Variants in ATP8B3 observed in about 807,000 individuals in gnomAD.
The protein encoded by ATP8B3 is phospholipid-transporting ATPase IK.
In ATP8B3, 141 loss-of-function variants were observed where a neutral mutation model predicts 140.9. That is an observed-to-expected ratio of 1.00 (90% CI 0.87 to 1.15). The LOEUF (loss-of-function observed/expected upper bound fraction) is 1.15, where lower values mean the gene tolerates loss of function less well. Ranked by LOEUF, ATP8B3 falls within the 50% of genes most tolerant of loss-of-function variation. The pLI, the probability that ATP8B3 is intolerant of heterozygous loss-of-function variation, is 0.00. For synonymous variants in ATP8B3, 765 were observed against 714.6 expected (o/e 1.07, Z -1.13); for missense variants, 1,874 against 1,740.6 (o/e 1.08, Z -1.36).
chr19:1,791,726 C>T, intron 20 of ATP8B3, 24 bp downstream of exon 20: 6 of 1,576,022 alleles, frequency 3.8e-6, no homozygotes, highest in Non-Finnish European at 5.2e-6. Context: ...GGGGCTTAGC[C>T]ACCCGGAGCT....
In ATP8B3 at chr19:1,799,990, G is replaced by T. The variant is rs749291619; in HGVS notation, c.1509C>A (p.Asn503Lys). The change falls in exon 14 of 29, where the codon AAC (asparagine) becomes AAA (lysine). Residue 503 changes from asparagine to lysine, a missense_variant. Coordinates refer to ENST00000310127, the MANE Select transcript of ATP8B3 (RefSeq NM_138813.4). Reference protein sequence around the residue: ...FSDKTGTLTQNILTFNKCCIS... With the variant: ...FSDKTGTLTQKILTFNKCCIS... ...TGCAGCACTTGTTGAAGGTCAAGATGTTCTGCGTGAGCGTGCCCGTCTTGT... is the reference window on the plus strand; with the variant it reads ...TGCAGCACTTGTTGAAGGTCAAGATTTTCTGCGTGAGCGTGCCCGTCTTGT... The T allele has an allele frequency of 6.2e-7, 1 of 1,606,498 alleles. No individual in the cohort carries two copies. The highest frequency in any genetic ancestry group is 2.2e-5 in the East Asian group (1 of 44,742).
intron 2 of ATP8B3, 53 bp from the exon 3 acceptor site, chr19:1,810,736 C>G: frequency 1.3e-6 from 2 of 1,549,882 alleles, no homozygotes; most frequent in Non-Finnish European, 1.8e-6. Context: ...CCTTGCTGGG[C>G]ACCACTCGGT....
In ATP8B3 at chr19:1,806,061, C is replaced by T. The variant is rs368217980; in HGVS notation, c.750+36G>A. On this transcript the variant is annotated intron_variant, in intron 8 of 28. Coordinates refer to ENST00000310127, the MANE Select transcript of ATP8B3 (RefSeq NM_138813.4). The surrounding 1 kb of genome is among the most constrained non-coding windows in gnomAD (Gnocchi z 5.6). The stretch of plus-strand genomic sequence containing the variant: ...GAGGGGTGCTCTCGGTGAGGGGGCG[C>T]GTGGTTCTGGGACCTCGGGGTCAAC... 28 of 1,602,322 alleles carry T rather than the reference C, an allele frequency of 1.7e-5. 1 individual carries two copies. The East Asian group carries it at 2.0e-4, about 12-fold the overall frequency.
Position 1,805,601 on chromosome 19 carries a change from G to A in ATP8B3, c.822-145C>T. The A allele has an allele frequency of 1.2e-6, 1 of 825,800 alleles. No individual in the cohort carries two copies. Among genetic ancestry groups the A allele is most frequent in the Non-Finnish European group, 2.0e-6 (1 of 505,668 alleles). 51.2% of individuals were successfully genotyped at this position (825,800 alleles called of 1,614,324 possible). On this transcript the variant is annotated intron_variant, in intron 9 of 28. Coordinates refer to ENST00000310127, the MANE Select transcript of ATP8B3 (RefSeq NM_138813.4). The surrounding 1 kb of genome is among the most constrained non-coding windows in gnomAD (Gnocchi z 5.2). ...CAGTCAGATGGCTGAGGCCCAGAGA[G>A]GGAGAAGGCCTTGCCCAAGGCCACA...
intron 14 of ATP8B3, among the ~76,000 whole-genome samples, chr19:1,797,237 A>G (rs933080645): frequency 6.6e-5 from 10 of 151,646 alleles, no homozygotes. Context: ...TCTCCCAGGG[A>G]CCCCAAAAGG....
In ATP8B3 at chr19:1,809,637, G is replaced by A. The variant is rs779042306; in HGVS notation, c.402+6C>T. ...GGAGCAGGGAGGCGCGGGAGGGGCC[G>A]CCCACCTTGTATTTCTTCCTTTGCC... On this transcript the variant is annotated splice_donor_region_variant and intron_variant, in intron 4 of 28. Coordinates refer to ENST00000310127, the MANE Select transcript of ATP8B3 (RefSeq NM_138813.4). The A allele has an allele frequency of 6.9e-6, 11 of 1,599,618 alleles. No individual in the cohort carries two copies. Among genetic ancestry groups the A allele is most frequent in the African/African-American group, 5.4e-5 (4 of 74,718 alleles).
At chr19:1,803,289 C>A (rs2068909589) in intron 10 of ATP8B3, among the ~76,000 whole-genome samples, 1 of 152,168 alleles carries the variant, frequency 6.6e-6, no homozygotes, top group Admixed American at 6.5e-5. Context: ...AGAGGGGCCA[C>A]AGGGTTCCTG....
intron 18 of ATP8B3, among the ~76,000 whole-genome samples, chr19:1,793,246 A>G (rs1320024383): frequency 6.9e-6 from 1 of 145,008 alleles, no homozygotes; most frequent in African/African-American, 2.7e-5. Context: ...ACATGCCATC[A>G]CACCCGGCTA....
chr19:1,801,733 AGAGT>A (rs1453882577), intron 12 of ATP8B3, among the ~76,000 whole-genome samples: 1 of 152,142 alleles, frequency 6.6e-6, no homozygotes, highest in Admixed American at 6.6e-5. Flanking sequence ...GCCTGGTGAC[AGAGT>A]GAGACTCCAT....
At position 1,806,859 on chromosome 19, in the gene ATP8B3, C is replaced by T. The variant is rs919766857; in HGVS notation, c.616-170G>A. ...GATCCCGGACGTGGGGGCCACTGGA[C>T]CCACTGCTATTGGCGGGGAGAAGAC... On this transcript the variant is annotated intron_variant, in intron 6 of 28. Coordinates refer to ENST00000310127, the MANE Select transcript of ATP8B3 (RefSeq NM_138813.4). The surrounding 1 kb of genome is among the most constrained non-coding windows in gnomAD (Gnocchi z 5.6). Among the ~76,000 whole-genome samples, 1 of 152,108 alleles carries T rather than the reference C, an allele frequency of 6.6e-6. No homozygotes were observed. The highest frequency in any genetic ancestry group is 2.4e-5 in the African/African-American group (1 of 41,408).
intron 11 of ATP8B3, 80 bp downstream of exon 11, chr19:1,802,407 A>ACCCCCCCCCCCCCCCCCC: frequency 1.3e-5 from 4 of 318,102 alleles, no homozygotes; most frequent in South Asian, 4.1e-5. Flanking sequence ...CCACCCACCT[A>ACCCCCCCCCCCCCCCCCC]CCCACCCACC....
chr19:1,792,190 C>T, intron 18 of ATP8B3, 55 bp from the exon 19 acceptor site: 1 of 1,491,280 alleles, frequency 6.7e-7, no homozygotes, highest in Non-Finnish European at 8.9e-7. Context: ...ATCCGAGGCT[C>T]AGCCCTCCCC....
Position 1,800,538 on chromosome 19 carries a change from G to A in ATP8B3, c.1153-89C>T, listed in dbSNP as rs1350008432. ...GGGGTAAACACAAAGATAAGGCTGG[G>A]GCTGGGCACAGTGGCTCATGCCTGT... is the stretch of plus-strand genomic sequence containing the variant. On this transcript the variant is annotated intron_variant, in intron 12 of 28. Coordinates refer to ENST00000310127, the MANE Select transcript of ATP8B3 (RefSeq NM_138813.4). This position sits in a 1 kb window ranked among gnomAD's most constrained non-coding sequence, Gnocchi z 4.4. 3 of 1,238,816 alleles carry A rather than the reference G, an allele frequency of 2.4e-6. No homozygotes were observed. The highest frequency in any genetic ancestry group is 3.0e-5 in the African/African-American group (2 of 66,280). The allele number at this position is 1,238,816 out of a possible 1,614,324, so 76.7% of individuals were successfully genotyped here. A position where few individuals can be genotyped will look rare whatever the true frequency, so the allele number is the denominator to read the frequency against.
At position 1,795,998 on chromosome 19, in the gene ATP8B3, A is replaced by G. The variant is rs1293722101; in HGVS notation, c.1943-11T>C. 3 of 1,612,834 alleles carry G rather than the reference A, an allele frequency of 1.9e-6. No homozygotes were observed. The highest frequency in any genetic ancestry group is 2.7e-5 in the African/African-American group (2 of 74,928). ...CCTCTGGCTTTCGAACTGTGGGGGAACAGGCCCTGCTGCCCACAGAGGCTC... is the reference window on the plus strand; with the variant it reads ...CCTCTGGCTTTCGAACTGTGGGGGAGCAGGCCCTGCTGCCCACAGAGGCTC... On this transcript the variant is annotated splice_polypyrimidine_tract_variant and intron_variant, in intron 17 of 28. Transcript: ENST00000310127.
Position 1,788,885 on chromosome 19 carries a change from T to G in ATP8B3, c.3069+12A>C, listed in dbSNP as rs958086451. Reference sequence around the variant, plus strand: ...GGCCCTGGTCATGGGGCAGCCAGGGTGGGGGACGCACCTGGCCGGTGAAGC... The same window carrying G: ...GGCCCTGGTCATGGGGCAGCCAGGGGGGGGGACGCACCTGGCCGGTGAAGC... On this transcript the variant is annotated intron_variant, in intron 24 of 28. Transcript: ENST00000310127. 1 of 1,571,300 alleles carries G rather than the reference T, an allele frequency of 6.4e-7. No homozygotes were observed. The highest frequency in any genetic ancestry group is 8.6e-7 in the Non-Finnish European group (1 of 1,159,758).
At chr19:1,787,072 T>G (rs751991824) in intron 25 of ATP8B3, 31 bp downstream of exon 25, 2 of 1,543,510 alleles carry the variant, frequency 1.3e-6, no homozygotes, top group East Asian at 2.4e-5. Context: ...AGCAGAGACC[T>G]GGAAGGAAGA....
intron 10 of ATP8B3, among the ~76,000 whole-genome samples, chr19:1,803,725 C>T (rs1311339354): frequency 2.0e-5 from 3 of 151,810 alleles, no homozygotes; most frequent in African/African-American, 7.3e-5. Flanking sequence ...GGTGAAACCC[C>T]GTCTCTACTG....
chr19:1,790,173 C>T lies in ATP8B3; in HGVS notation c.2379-184G>A, dbSNP rs866558587. Reference sequence around the variant, plus strand: ...CCGCCGCTGCCCCTCCCCTTCCCCTCCACTGCCCACTCCCCCACCCCTGCC... The same window carrying T: ...CCGCCGCTGCCCCTCCCCTTCCCCTTCACTGCCCACTCCCCCACCCCTGCC... On this transcript the variant is annotated intron_variant, in intron 21 of 28. Transcript: ENST00000310127. Among the ~76,000 whole-genome samples the T allele has an allele frequency of 2.1e-3, 238 of 115,676 alleles. 2 individuals are homozygous for T. The highest frequency in any genetic ancestry group is 7.7e-3 in the African/African-American group (227 of 29,372). 75.9% of individuals were successfully genotyped at this position (115,676 alleles called of 152,430 possible). A position where few individuals can be genotyped will look rare whatever the true frequency, so the allele number is the denominator to read the frequency against.
intron 16 of ATP8B3, 57 bp from the exon 17 acceptor site, chr19:1,796,322 C>A (rs1400657141): frequency 1.4e-6 from 2 of 1,462,836 alleles, no homozygotes; most frequent in Admixed American, 2.0e-5. Context: ...TCCATCTCCA[C>A]AGTGCAGGGA....
Sources: gnomAD v4.1 joint callset for allele counts (sites outside exome capture counted in the v4.1 genomes callset) on GRCh38, gnomAD v4.1.1 for gene constraint, Gnocchi (gnomAD v3.1) non-coding constraint, MANE v1.5 for transcripts, NCBI Gene and HGNC (gene_info 2026-07-23, HGNC 2026-07-21) for gene names.